Variants in UBAC2 observed in about 807,000 individuals in gnomAD.
UBAC2 encodes UBA domain containing 2.
UBAC2 carries 26 observed loss-of-function variants against 44.0 expected under a neutral mutation model. That is an observed-to-expected ratio of 0.59 (90% CI 0.43 to 0.82). The LOEUF (loss-of-function observed/expected upper bound fraction) is 0.82, where lower values mean the gene tolerates loss of function less well. Ranked by LOEUF, UBAC2 falls within the 40% of genes least tolerant of loss-of-function variation. The pLI is 0.00. For synonymous variants in UBAC2, 155 were observed against 154.3 expected, an observed-to-expected ratio of 1.00 and a Z score of -0.04; for missense variants, 329 against 419.4, an observed-to-expected ratio of 0.78 and a Z score of 1.88.
chr13:99,230,911 T>C (rs2043165339), intron 1 of UBAC2, among the ~76,000 whole-genome samples: 1 of 152,148 alleles, frequency 6.6e-6, no homozygotes, highest in African/African-American at 2.4e-5. Context: ...TAGCTGGATG[T>C]GGTGGCACGT....
intron 6 of UBAC2, among the ~76,000 whole-genome samples, chr13:99,328,894 C>G (rs1236825937): frequency 6.6e-6 from 1 of 152,152 alleles, no homozygotes; most frequent in Non-Finnish European, 1.5e-5. Context: ...CTTTGCTAAT[C>G]CAATGTCACA....
intron 1 of UBAC2, among the ~76,000 whole-genome samples, chr13:99,204,716 G>C (rs546897024): frequency 6.6e-6 from 1 of 152,134 alleles, no homozygotes; most frequent in African/African-American, 2.4e-5. Context: ...AACCTTTCCA[G>C]AAAAGCTCAT....
chr13:99,254,947 C>T (rs2043516267), intron 4 of UBAC2: 1 of 1,613,904 alleles, frequency 6.2e-7, no homozygotes, highest in Non-Finnish European at 8.5e-7. Context: ...TCTGCGCATG[C>T]TTCGAAGGTA....
intron 1 of UBAC2, among the ~76,000 whole-genome samples, chr13:99,229,302 GATTT>G (rs1348388968): frequency 6.6e-6 from 1 of 152,232 alleles, no homozygotes; most frequent in Non-Finnish European, 1.5e-5. Flanking sequence ...GGCTGCATAA[GATTT>G]AGATAAGGGA....
intron 8 of UBAC2, among the ~76,000 whole-genome samples, chr13:99,377,807 A>C (rs2045500399): frequency 6.6e-6 from 1 of 152,178 alleles, no homozygotes; most frequent in South Asian, 2.1e-4. Context: ...TGTGCCCGTC[A>C]CTGTTCTGGG....
chr13:99,238,484 T>G lies in UBAC2; in HGVS notation c.89T>G (p.Leu30Arg). 1.2e-6 allele frequency: 2 copies of G among 1,613,978 alleles called. No individual in the cohort carries two copies. Among genetic ancestry groups the G allele is most frequent in the South Asian group, 2.2e-5 (2 of 91,074 alleles). Residue 30 changes from leucine to arginine, a missense_variant, in exon 2 of 9, where the codon CTC (leucine) becomes CGC (arginine). Transcript: ENST00000403766. ...GTCCCCAGTGCCCTCTCCCTCCTGC[T>G]CGCCCTCCTCCTGCCTCACTGCCAG... ...LLVPSALSLL[L>R]ALLLPHCQKL...
rs143138028 is a variant in UBAC2, at chr13:99,295,501, G to A, written c.390-18596G>A. ...AGAGTTTGCAGCAGATCTGAGAATA[G>A]CAGATGAGAATGATTATAAGTGGAA... is the stretch of plus-strand genomic sequence containing the variant. On this transcript the variant is annotated intron_variant, in intron 4 of 8. Coordinates refer to ENST00000403766, the MANE Select transcript of UBAC2 (RefSeq NM_001144072.2). This position sits in a 1 kb window ranked among gnomAD's most constrained non-coding sequence, Gnocchi z 4.1. 535 of 1,613,850 alleles carry A rather than the reference G, an allele frequency of 3.3e-4. 1 individual carries two copies. The highest frequency in any genetic ancestry group is 4.4e-4 in the Non-Finnish European group (516 of 1,179,940).
rs1371394693 is a variant in UBAC2, at chr13:99,386,487, A to G, written c.*1152A>G. 1 of 152,222 alleles carries G rather than the reference A, an allele frequency of 6.6e-6. No individual in the cohort carries two copies. The highest frequency in any genetic ancestry group is 1.5e-5 in the Non-Finnish European group (1 of 68,036). The allele number at this position is 152,222 out of a possible 1,614,324, so 9.4% of individuals were successfully genotyped here. A position where few individuals can be genotyped will look rare whatever the true frequency, so the allele number is the denominator to read the frequency against. On this transcript the variant is annotated 3_prime_UTR_variant, in exon 9 of 9. Coordinates refer to ENST00000403766, the MANE Select transcript of UBAC2 (RefSeq NM_001144072.2). Reference sequence around the variant, plus strand: ...TAAAGCCTTGTTCCAGGCTATACATATTTACCAGTCAACCAAATCCTCCGC... The same window carrying G: ...TAAAGCCTTGTTCCAGGCTATACATGTTTACCAGTCAACCAAATCCTCCGC...
At chr13:99,345,313 A>G (rs1395600060) in intron 7 of UBAC2, among the ~76,000 whole-genome samples, 1 of 150,994 alleles carries the variant, frequency 6.6e-6, no homozygotes, top group Admixed American at 6.6e-5. Flanking sequence ...TAACAAAGAT[A>G]GGACAGTTAT....
intron 7 of UBAC2, among the ~76,000 whole-genome samples, chr13:99,359,685 A>G (rs1283112486): frequency 6.6e-6 from 1 of 152,188 alleles, no homozygotes; most frequent in Admixed American, 6.5e-5. Flanking sequence ...GACCATGCAA[A>G]TCTGTCTTTT....
intron 6 of UBAC2, among the ~76,000 whole-genome samples, chr13:99,328,473 A>G (rs1191521871): frequency 1.3e-5 from 2 of 152,152 alleles, no homozygotes; most frequent in Non-Finnish European, 2.9e-5. Context: ...GATGTTTGAA[A>G]CTTCCAAATT....
At chr13:99,230,816 C>A (rs190144954) in intron 1 of UBAC2, among the ~76,000 whole-genome samples, 1 of 151,996 alleles carries the variant, frequency 6.6e-6, no homozygotes, top group African/African-American at 2.4e-5. Flanking sequence ...TTTGGGAGGC[C>A]GAGGCGGGTG....
intron 4 of UBAC2, among the ~76,000 whole-genome samples, chr13:99,288,897 A>AG (rs2044054384): frequency 6.6e-6 from 1 of 152,226 alleles, no homozygotes; most frequent in African/African-American, 2.4e-5. Context: ...GTCTATGTTC[A>AG]GGGTGTCATG....
intron 4 of UBAC2, among the ~76,000 whole-genome samples, chr13:99,293,908 T>G (rs991825892): frequency 5.3e-5 from 8 of 152,174 alleles, no homozygotes; most frequent in African/African-American, 1.9e-4. Flanking sequence ...AACATTTTCT[T>G]TATCTACCAT....
intron 8 of UBAC2, among the ~76,000 whole-genome samples, chr13:99,370,294 A>G (rs2045387782): frequency 6.6e-6 from 1 of 152,196 alleles, no homozygotes; most frequent in African/African-American, 2.4e-5. Context: ...TATGTGTGAC[A>G]GAGACAGAGA....
chr13:99,266,097 T>C (rs2138654905), intron 4 of UBAC2, among the ~76,000 whole-genome samples: 1 of 152,254 alleles, frequency 6.6e-6, no homozygotes, highest in Non-Finnish European at 1.5e-5. Flanking sequence ...GCTCTTCACC[T>C]TTACCCCTTC....
intron 7 of UBAC2, among the ~76,000 whole-genome samples, chr13:99,342,466 T>C (rs1393212643): frequency 6.6e-6 from 1 of 152,108 alleles, no homozygotes; most frequent in African/African-American, 2.4e-5. Flanking sequence ...ACTGTTCTGC[T>C]TGCAGACGGT....
intron 4 of UBAC2, among the ~76,000 whole-genome samples, chr13:99,278,661 A>C (rs796949743): frequency 9.8e-5 from 15 of 152,338 alleles, no homozygotes; most frequent in African/African-American, 3.6e-4. Context: ...GATCACATTA[A>C]CATGTTTGGA....
At chr13:99,312,932 T>A (rs556974713) in intron 4 of UBAC2, 1 of 152,994 alleles carries the variant, frequency 6.5e-6, no homozygotes, top group Admixed American at 6.5e-5. Flanking sequence ...TACTGGAGCC[T>A]ATGGAAGGAA....
Sources: allele counts gnomAD v4.1 joint callset (sites outside exome capture counted in the v4.1 genomes callset), GRCh38; gene constraint gnomAD v4.1.1; non-coding constraint Gnocchi (gnomAD v3.1); transcripts MANE v1.5; gene names NCBI Gene and HGNC (gene_info 2026-07-23, HGNC 2026-07-21).